The following EFS variants were observed in gnomAD, a reference collection of about 807,000 sequenced individuals.
The protein encoded by EFS is Cas scaffolding protein family member 3.
A neutral mutation model predicts 42.2 loss-of-function variants in EFS; 34 were observed. The observed-to-expected ratio is 0.81, with a 90% CI of 0.61 to 1.07. EFS has a LOEUF of 1.07. EFS is among the 50% of genes least tolerant of loss of function. The pLI, the probability that EFS is intolerant of heterozygous loss-of-function variation, is 0.00. For synonymous variants in EFS, 299 were observed against 320.7 expected, an observed-to-expected ratio of 0.93 and a Z score of 0.72; for missense variants, 717 against 729.4, an observed-to-expected ratio of 0.98 and a Z score of 0.20.
chr14:23,364,625 C>A (rs1198997019), intron 1 of EFS, among the ~76,000 whole-genome samples: 1 of 152,116 alleles, frequency 6.6e-6, no homozygotes, highest in Non-Finnish European at 1.5e-5. Flanking sequence ...GCCACTAGGT[C>A]CTTTCAGCCC....
chr14:23,359,795 G>C lies in EFS; in HGVS notation c.683C>G (p.Ala228Gly), dbSNP rs748803532. The C allele has an allele frequency of 1.3e-6, 2 of 1,524,082 alleles. No individual in the cohort carries two copies. The highest frequency in any genetic ancestry group is 1.8e-6 in the Non-Finnish European group (2 of 1,138,602). The allele number at this position is 1,524,082 out of a possible 1,614,324, so 94.4% of individuals were successfully genotyped here. A position where few individuals can be genotyped will look rare whatever the true frequency, so the allele number is the denominator to read the frequency against. Residue 228 changes from alanine to glycine, a missense_variant, in exon 4 of 6, where the codon GCC becomes GGC. By Grantham distance (60) the Ala-to-Gly change is moderately conservative. Transcript: ENST00000216733. The stretch of plus-strand genomic sequence containing the variant: ...GGGTGCTTCATACAAATTGAGTAAG[G>C]CTGACGCTCGTTTCAGGTTGGAGGG... ...AAPSNLKRAS[A>G]LLNLYEAPEE... is the part of the protein sequence containing the mutation.
At position 23,359,871 on chromosome 14, in the gene EFS, C is replaced by T. The variant is rs201170831; in HGVS notation, c.607G>A (p.Asp203Asn). Reference sequence around the variant, plus strand: ...TCCCGGCCTCCTTCCCACTCCAGATCTGGTTCCAGCTCTGCAGGTGGCTTT... The same window carrying T: ...TCCCGGCCTCCTTCCCACTCCAGATTTGGTTCCAGCTCTGCAGGTGGCTTT... ...TPKPPAELEPDLEWEGGREPG... is the reference protein window; with the variant it reads ...TPKPPAELEPNLEWEGGREPG... The change falls in exon 4 of 6, where the codon GAT becomes AAT. Residue 203 changes from aspartate to asparagine, a missense_variant. Transcript: ENST00000216733. The T allele has an allele frequency of 3.6e-3, 5,443 of 1,529,584 alleles. 27 individuals carry two copies. Among genetic ancestry groups the T allele is most frequent in the Non-Finnish European group, 3.5e-3 (4,013 of 1,141,274 alleles). 94.8% of individuals were successfully genotyped at this position (1,529,584 alleles called of 1,614,324 possible).
chr14:23,361,840 G>A (rs1413424970), intron 1 of EFS, among the ~76,000 whole-genome samples: 2 of 152,198 alleles, frequency 1.3e-5, no homozygotes, highest in Non-Finnish European at 2.9e-5. Flanking sequence ...TTACGAGGGA[G>A]GGACTGTCAT....
Position 23,360,823 on chromosome 14 carries a change from G to A in EFS, c.29C>T (p.Ala10Val). 1.2e-6 allele frequency: 2 copies of A among 1,610,988 alleles called. No homozygotes were observed. Among genetic ancestry groups the A allele is most frequent in the Non-Finnish European group, 1.7e-6 (2 of 1,178,360 alleles). Residue 10 changes from alanine (A) to valine (V), a missense_variant, in exon 2 of 6, where the codon GCC becomes GTC. By Grantham distance (64) the Ala-to-Val change is moderately conservative. Coordinates refer to ENST00000216733, the MANE Select transcript of EFS (RefSeq NM_005864.4). MAIATSTQL[A>V]RALYDNTAES... ...AGCGGTGTTGTCATACAGTGCCCGG[G>A]CCAGCTGGGTCTGGTTGGGGAGGTG... is the stretch of plus-strand genomic sequence containing the variant.
At chr14:23,363,911 G>A (rs1309335195) in intron 1 of EFS, among the ~76,000 whole-genome samples, 2 of 151,044 alleles carry the variant, frequency 1.3e-5, no homozygotes, top group African/African-American at 2.5e-5. Flanking sequence ...TCCAGCCTGG[G>A]TGACAGGGTG....
rs766395385 is a variant in EFS at position 23,358,977 on chromosome 14, G to A, written c.1162-12C>T. ...GCTTTGTCCATGCCCTGCAGGAGGG[G>A]ATCAGGTCTCAGTGTCGGGGTGGGG... On this transcript the variant is annotated splice_polypyrimidine_tract_variant and intron_variant, in intron 4 of 5. Transcript: ENST00000216733. 18 of 1,601,522 alleles carry A rather than the reference G, an allele frequency of 1.1e-5. No individual in the cohort carries two copies. The highest frequency in any genetic ancestry group is 1.5e-5 in the Non-Finnish European group (18 of 1,173,872).
rs768108822 is a variant in EFS, at chr14:23,359,676, G to A, written c.802C>T (p.Pro268Ser). 2 of 1,510,520 alleles carry A rather than the reference G, an allele frequency of 1.3e-6. No individual in the cohort carries two copies. Among genetic ancestry groups the A allele is most frequent in the Non-Finnish European group, 1.8e-6 (2 of 1,131,334 alleles). The allele number at this position is 1,510,520 out of a possible 1,614,324, so 93.6% of individuals were successfully genotyped here. A position where few individuals can be genotyped will look rare whatever the true frequency, so the allele number is the denominator to read the frequency against. Residue 268 changes from proline to serine, a missense_variant, in exon 4 of 6, where the codon CCC (proline) becomes TCC (serine). Transcript: ENST00000216733. ...TCATGGGAGGCCAAGGCTCCAGGGGGCTCTGGAGAAGGGGGAGCCTCTGGC... is the reference window on the plus strand; with the variant it reads ...TCATGGGAGGCCAAGGCTCCAGGGGACTCTGGAGAAGGGGGAGCCTCTGGC... ...LGPEAPPSPE[P>S]PGALASHDQD...
intron 1 of EFS, among the ~76,000 whole-genome samples, chr14:23,363,253 T>A (rs1890213874): frequency 1.3e-5 from 2 of 152,258 alleles, no homozygotes; most frequent in African/African-American, 4.8e-5. Flanking sequence ...GGGCAGATTG[T>A]TTAACCTTTC....
rs1313998612 is a variant in EFS, at chr14:23,360,567, A to G, written c.285T>C (p.Asn95=). The G allele has an allele frequency of 6.5e-7, 1 of 1,549,588 alleles. No homozygotes were observed. Among genetic ancestry groups the G allele is most frequent in the Non-Finnish European group, 8.7e-7 (1 of 1,147,372 alleles). The change falls in exon 2 of 6, where the codon AAT becomes AAC. Residue 95 remains asparagine, a synonymous_variant. Transcript: ENST00000216733. ...GSPYPAPDHS[N]EDQEVYVVPP... is the part of the protein sequence containing the mutation. The stretch of plus-strand genomic sequence containing the variant: ...CTCCCACTCTCACCTCCTGGTCCTC[A>G]TTGCTGTGATCTGGGGCTGGATATG...
intron 1 of EFS, among the ~76,000 whole-genome samples, chr14:23,363,524 G>A (rs1329727176): frequency 6.6e-6 from 1 of 152,170 alleles, no homozygotes; most frequent in Non-Finnish European, 1.5e-5. Context: ...AAGCTGACCA[G>A]CTGGCTTCTG....
At chr14:23,359,193 C>T (rs1890029331) in intron 4 of EFS, 124 bp downstream of exon 4, 17 of 1,464,666 alleles carry the variant, frequency 1.2e-5, no homozygotes, top group Non-Finnish European at 1.5e-5. Flanking sequence ...TCCCAGGCTG[C>T]AGGGTAGAGG....
intron 1 of EFS, among the ~76,000 whole-genome samples, chr14:23,363,104 G>A (rs1890210311): frequency 2.0e-5 from 3 of 151,674 alleles, no homozygotes; most frequent in South Asian, 4.1e-4. Flanking sequence ...TAGTAGAGGC[G>A]GGGTTTCACT....
chr14:23,360,152 C>G lies in EFS; in HGVS notation c.427G>C (p.Asp143His), dbSNP rs148391772. 11 of 1,614,188 alleles carry G rather than the reference C, an allele frequency of 6.8e-6. No individual in the cohort carries two copies. The highest frequency in any genetic ancestry group is 1.7e-5 in the Admixed American group (1 of 60,022). The change falls in exon 3 of 6, where the codon GAT becomes CAT. Residue 143 changes from aspartate to histidine, a missense_variant. Coordinates refer to ENST00000216733, the MANE Select transcript of EFS (RefSeq NM_005864.4). ...ASGTQLAAPR[D>H]ALEVYDVPPT... ...CCTCTAGCCCTCACCTCCAAGGCAT[C>G]TCTGGGAGCAGCCAGCTGGGTCCCA...
chr14:23,360,398 C>T (rs1221908748), intron 2 of EFS, 117 bp from the exon 3 acceptor site: 1 of 1,500,424 alleles, frequency 6.7e-7, no homozygotes. Context: ...AGGGCCACAG[C>T]TCAGAAAGGT....
At chr14:23,362,114 T>A (rs756750871) in intron 1 of EFS, among the ~76,000 whole-genome samples, 2 of 152,250 alleles carry the variant, frequency 1.3e-5, no homozygotes, top group Non-Finnish European at 2.9e-5. Flanking sequence ...CCTATTTCCC[T>A]TTGCTATAAC....
rs545761531 is a variant in EFS at position 23,359,350 on chromosome 14, C to T, written c.1128G>A (p.Pro376=). The T allele has an allele frequency of 2.7e-5, 44 of 1,613,150 alleles. No homozygotes were observed. In the South Asian group the frequency reaches 3.4e-4, roughly 12 times the overall value. ...GGACATAGTCATACTCCTCGGCCATCGGAATGCCCTCGTACTCATTGTGGT... is the reference window on the plus strand; with the variant it reads ...GGACATAGTCATACTCCTCGGCCATTGGAATGCCCTCGTACTCATTGTGGT... ...AGHHNEYEGI[P]MAEEYDYVHL... is the part of the protein sequence containing the mutation. The change falls in exon 4 of 6, where the codon CCG becomes CCA. Residue 376 remains proline, a synonymous_variant. Coordinates refer to ENST00000216733, the MANE Select transcript of EFS (RefSeq NM_005864.4).
At position 23,359,954 on chromosome 14, in the gene EFS, C is replaced by G. The variant is rs544344826; in HGVS notation, c.524G>C (p.Arg175Pro). ...CPASFSHPLTRVAPQPPGEDD... is the reference protein window; with the variant it reads ...CPASFSHPLTPVAPQPPGEDD... ...CTCTCCAGGGGGCTGCGGGGCAACCCGGGTCAGAGGGTGGGAAAAGGAGGC... is the reference window on the plus strand; with the variant it reads ...CTCTCCAGGGGGCTGCGGGGCAACCGGGGTCAGAGGGTGGGAAAAGGAGGC... Residue 175 changes from arginine to proline, a missense_variant, in exon 4 of 6, where the codon CGG (arginine) becomes CCG (proline). Transcript: ENST00000216733. 1 of 1,569,606 alleles carries G rather than the reference C, an allele frequency of 6.4e-7. No individual in the cohort carries two copies. The highest frequency in any genetic ancestry group is 8.6e-7 in the Non-Finnish European group (1 of 1,159,302).
Position 23,357,285 on chromosome 14 carries a change from T to C in EFS, c.1627A>G (p.Thr543Ala), listed in dbSNP as rs1409810484. The C allele has an allele frequency of 6.2e-7, 1 of 1,601,808 alleles. No individual in the cohort carries two copies. ...TGCAGGGCCTGCCCTGCCAGTTCTG[T>C]TACACACTGCACCATCTCTTGGATG... is the stretch of plus-strand genomic sequence containing the variant. ...PAIQEMVQCVTELAGQALQFT... is the reference protein window; with the variant it reads ...PAIQEMVQCVAELAGQALQFT... Residue 543 changes from threonine (T) to alanine (A), a missense_variant, in exon 6 of 6, where the codon ACA becomes GCA. By Grantham distance (58) the Thr-to-Ala change is moderately conservative. Transcript: ENST00000216733.
In EFS at chr14:23,356,975, G is replaced by A. The variant is rs919772625; in HGVS notation, c.*251C>T. ...GGATCTAGTTCCTCACTGCCCCAGA[G>A]CCTAGTACCTGCTCCTGACAAAGCA... On this transcript the variant is annotated 3_prime_UTR_variant, in exon 6 of 6. Coordinates refer to ENST00000216733, the MANE Select transcript of EFS (RefSeq NM_005864.4). The A allele has an allele frequency of 4.4e-5, 14 of 320,600 alleles. No homozygotes were observed. Among genetic ancestry groups the A allele is most frequent in the African/African-American group, 2.8e-4 (13 of 47,018 alleles). 19.9% of individuals were successfully genotyped at this position (320,600 alleles called of 1,614,324 possible). A position where few individuals can be genotyped will look rare whatever the true frequency, so the allele number is the denominator to read the frequency against.
Sources: allele counts gnomAD v4.1 joint callset (sites outside exome capture counted in the v4.1 genomes callset), GRCh38; gene constraint gnomAD v4.1.1; transcripts MANE v1.5; gene names NCBI Gene and HGNC (gene_info 2026-07-23, HGNC 2026-07-21).